The following DOK6 variants were observed in gnomAD, a reference collection of about 807,000 sequenced individuals.
DOK6 encodes downstream of tyrosine kinase 6.
Under a neutral mutation model 44.0 loss-of-function variants are expected in DOK6, and 22 were observed. That is an observed-to-expected ratio of 0.50 (90% CI 0.36 to 0.71). DOK6 has a LOEUF of 0.71. Ranked by LOEUF, DOK6 falls within the 30% of genes least tolerant of loss-of-function variation. DOK6 has a pLI of 0.00. For missense variants in DOK6, 340 were observed against 416.4 expected (o/e 0.82, Z 1.60); for synonymous variants, 166 against 145.5 (o/e 1.14, Z -1.01).
chr18:69,650,327 C>G (rs1381471935), intron 3 of DOK6, among the ~76,000 whole-genome samples: 1 of 152,018 alleles, frequency 6.6e-6, no homozygotes, highest in African/African-American at 2.4e-5. Context: ...GGAAGTCATC[C>G]AAAGGTTCTA....
intron 1 of DOK6, among the ~76,000 whole-genome samples, chr18:69,457,626 TTCATTCATTATGCA>T (rs1443697703): frequency 6.6e-6 from 1 of 152,224 alleles, no homozygotes; most frequent in Admixed American, 6.5e-5. Context: ...GGGCTCTCTT[TTCATTCATTATGCA>T]TTTTAGAATA....
Position 69,762,154 on chromosome 18 carries a change from C to CATAT in DOK6, c.856+4284_856+4285insTATA, listed in dbSNP as rs1979580318. Among the ~76,000 whole-genome samples the CATAT allele has an allele frequency of 3.8e-5, 4 of 106,040 alleles. No individual in the cohort carries two copies. In the South Asian group the frequency reaches 1.1e-3, roughly 30 times the overall value. 69.6% of individuals were successfully genotyped at this position (106,040 alleles called of 152,430 possible). On this transcript the variant is annotated intron_variant, in intron 7 of 7. Transcript: ENST00000382713. ...GTGAGACTCCATCTCTGCATGCATA[C>CATAT]ATACATACATACATACATACATACA...
chr18:69,490,580 A>C (rs1407167657), intron 1 of DOK6, among the ~76,000 whole-genome samples: 1 of 152,146 alleles, frequency 6.6e-6, no homozygotes, highest in Non-Finnish European at 1.5e-5. Flanking sequence ...TTTATTACGT[A>C]ATACAAACTA....
At chr18:69,476,771 ACTC>A (rs546772436) in intron 1 of DOK6, among the ~76,000 whole-genome samples, 259 of 151,778 alleles carry the variant, frequency 1.7e-3, no homozygotes, top group African/African-American at 5.1e-3. Flanking sequence ...AATAAGCAGC[ACTC>A]CTCCTTGCTT....
chr18:69,505,736 A>G (rs1360542262), intron 1 of DOK6, among the ~76,000 whole-genome samples: 1 of 151,774 alleles, frequency 6.6e-6, no homozygotes, highest in Non-Finnish European at 1.5e-5. Context: ...GACCTCAGGG[A>G]TCCACCCACC....
chr18:69,791,694 T>C (rs1212852982), intron 7 of DOK6, among the ~76,000 whole-genome samples: 1 of 152,146 alleles, frequency 6.6e-6, no homozygotes, highest in East Asian at 1.9e-4. Flanking sequence ...TTTCTCTCAT[T>C]CTATGAATTG....
At chr18:69,617,578 AAGAG>A (rs1008974791) in intron 3 of DOK6, among the ~76,000 whole-genome samples, 8 of 103,582 alleles carry the variant, frequency 7.7e-5, no homozygotes, top group East Asian at 2.6e-4. Context: ...AAAAGAAAGA[AAGAG>A]AGAGAGACAG....
At chr18:69,668,057 C>A (rs1191626299) in intron 3 of DOK6, among the ~76,000 whole-genome samples, 1 of 152,108 alleles carries the variant, frequency 6.6e-6, no homozygotes, top group African/African-American at 2.4e-5. Flanking sequence ...ATGATAAATC[C>A]ATTTTTCCAG....
At chr18:69,453,620 A>T (rs1979536623) in intron 1 of DOK6, among the ~76,000 whole-genome samples, 1 of 80,302 alleles carries the variant, frequency 1.2e-5, no homozygotes, top group Non-Finnish European at 2.2e-5. Context: ...AGCCAAAAGA[A>T]CAAAGCTGGA....
intron 3 of DOK6, among the ~76,000 whole-genome samples, chr18:69,636,362 C>G (rs906310881): frequency 3.9e-5 from 6 of 152,126 alleles, no homozygotes; most frequent in African/African-American, 1.4e-4. Flanking sequence ...GGCACAGACC[C>G]CCTTGTCACA....
intron 3 of DOK6, among the ~76,000 whole-genome samples, chr18:69,623,414 A>T (rs938490102): frequency 6.6e-6 from 1 of 151,782 alleles, no homozygotes; most frequent in Non-Finnish European, 1.5e-5. Context: ...TTTCCAGCAT[A>T]AAAAAAAGAT....
chr18:69,481,086 C>T (rs1431962511), intron 1 of DOK6, among the ~76,000 whole-genome samples: 2 of 152,124 alleles, frequency 1.3e-5, no homozygotes, highest in Non-Finnish European at 2.9e-5. Flanking sequence ...AAAACCAGCA[C>T]ACACCTTCTG....
At chr18:69,521,324 T>A (rs888449077) in intron 1 of DOK6, among the ~76,000 whole-genome samples, 11 of 151,872 alleles carry the variant, frequency 7.2e-5, no homozygotes, top group African/African-American at 2.7e-4. Context: ...GGTTCCTGTA[T>A]TTTAAAAGTT....
intron 1 of DOK6, among the ~76,000 whole-genome samples, chr18:69,441,377 T>G (rs2122442021): frequency 6.6e-6 from 1 of 152,306 alleles, no homozygotes; most frequent in Non-Finnish European, 1.5e-5. Context: ...GGATCTCAAT[T>G]ATTTTATACT....
chr18:69,621,664 A>G (rs1195713378), intron 3 of DOK6, among the ~76,000 whole-genome samples: 1 of 152,154 alleles, frequency 6.6e-6, no homozygotes, highest in Non-Finnish European at 1.5e-5. Flanking sequence ...TGATGGAGTT[A>G]AAAGAGTGCT....
chr18:69,828,884 G>GTATGTATATATATATATATATATATATA (rs1981820142), intron 7 of DOK6, among the ~76,000 whole-genome samples: 1 of 90,172 alleles, frequency 1.1e-5, no homozygotes, highest in Non-Finnish European at 2.5e-5. Context: ...ACATTTATGT[G>GTATGTATATATATATATATATATATATA]TATATATATA....
At chr18:69,674,777 C>G (rs1480211313) in intron 3 of DOK6, among the ~76,000 whole-genome samples, 1 of 152,106 alleles carries the variant, frequency 6.6e-6, no homozygotes, top group East Asian at 1.9e-4. Context: ...AGGCTAACAG[C>G]CTTCCAGAGC....
At chr18:69,651,880 T>C (rs556417539) in intron 3 of DOK6, among the ~76,000 whole-genome samples, 92 of 152,310 alleles carry the variant, frequency 6.0e-4, no homozygotes, top group African/African-American at 2.2e-3. Flanking sequence ...ATAATACTAA[T>C]ATTTTAAGTC....
At chr18:69,681,319 G>A (rs550406031) in intron 4 of DOK6, among the ~76,000 whole-genome samples, 1 of 152,122 alleles carries the variant, frequency 6.6e-6, no homozygotes, top group Non-Finnish European at 1.5e-5. Flanking sequence ...CTCTTCTTGT[G>A]TTTTCCTGCC....
Sources: gnomAD v4.1 joint callset for allele counts (sites outside exome capture counted in the v4.1 genomes callset) on GRCh38, gnomAD v4.1.1 for gene constraint, MANE v1.5 for transcripts, NCBI Gene and HGNC (gene_info 2026-07-23, HGNC 2026-07-21) for gene names.